ZC2HC1A: variants seen among roughly 807,000 people sequenced by gnomAD.
ZC2HC1A encodes the protein zinc finger C2HC domain-containing protein 1A.
Under a neutral mutation model 40.7 loss-of-function variants are expected in ZC2HC1A, and 28 were observed. The ratio of observed to expected loss-of-function variants is 0.69; its 90% CI spans 0.51 to 0.94. The LOEUF is 0.94. Ranked by LOEUF, ZC2HC1A falls within the 40% of genes least tolerant of loss-of-function variation. The probability of loss-of-function intolerance (pLI) is 0.00; values close to 1 mark genes in which losing one functional copy is unlikely to be tolerated. For missense variants in ZC2HC1A, 389 were observed against 386.3 expected, an observed-to-expected ratio of 1.01 and a Z score of -0.06; for synonymous variants, 129 against 129.2, an observed-to-expected ratio of 1.00 and a Z score of 0.01.
chr8:78,675,009 A>T (rs1017417811), intron 1 of ZC2HC1A, among the ~76,000 whole-genome samples: 2 of 151,890 alleles, frequency 1.3e-5, no homozygotes, highest in African/African-American at 4.8e-5. Context: ...ATATTTGGAA[A>T]TAAAATAAAA....
chr8:78,669,971 CTT>C (rs566684768), intron 1 of ZC2HC1A, among the ~76,000 whole-genome samples: 2 of 126,268 alleles, frequency 1.6e-5, no homozygotes, highest in African/African-American at 3.2e-5. Flanking sequence ...TTCTTTCTTT[CTT>C]TTTTTTTTTT....
At chr8:78,669,911 G>A (rs1157869354) in intron 1 of ZC2HC1A, among the ~76,000 whole-genome samples, 2 of 151,066 alleles carry the variant, frequency 1.3e-5, no homozygotes, top group Non-Finnish European at 2.9e-5. Context: ...CATGCTAGGT[G>A]CTCAACAAAT....
At chr8:78,690,625 G>C (rs1186598269) in intron 5 of ZC2HC1A, among the ~76,000 whole-genome samples, 1 of 150,734 alleles carries the variant, frequency 6.6e-6, no homozygotes, top group Non-Finnish European at 1.5e-5. Context: ...TAATTGACTT[G>C]TCAACATCTA....
chr8:78,666,641 G>T (rs891312908), intron 1 of ZC2HC1A, among the ~76,000 whole-genome samples: 3 of 152,124 alleles, frequency 2.0e-5, no homozygotes, highest in African/African-American at 7.2e-5. Context: ...CTAGGTAACC[G>T]GCTTTTTACA....
Position 78,718,228 on chromosome 8 carries a change from A to G in ZC2HC1A, c.*735A>G, listed in dbSNP as rs1337643833. The stretch of plus-strand genomic sequence containing the variant: ...CGTTGAACATATTTTTTTACTTCCA[A>G]TTGTTTTTCCAGATTTCACTTTTCC... On this transcript the variant is annotated 3_prime_UTR_variant, in exon 9 of 9. Transcript: ENST00000263849. 6.6e-6 allele frequency: 1 copy of G among 151,808 alleles called. No individual in the cohort carries two copies. Among genetic ancestry groups the G allele is most frequent in the Non-Finnish European group, 1.5e-5 (1 of 67,854 alleles). The allele number at this position is 151,808 out of a possible 1,614,324, so 9.4% of individuals were successfully genotyped here.
At chr8:78,705,686 G>A (rs1216497018) in intron 7 of ZC2HC1A, among the ~76,000 whole-genome samples, 1 of 152,192 alleles carries the variant, frequency 6.6e-6, no homozygotes, top group Non-Finnish European at 1.5e-5. Flanking sequence ...CTGCTAAGTT[G>A]CCCAAACAGC....
rs1217927197 is a variant in ZC2HC1A, at chr8:78,707,853, T to C, written c.705-7368T>C. Among the ~76,000 whole-genome samples, 20 of 84,034 alleles carry C rather than the reference T, an allele frequency of 2.4e-4. 1 individual carries two copies. Among genetic ancestry groups the C allele is most frequent in the Non-Finnish European group, 3.9e-4 (15 of 38,284 alleles). The allele number at this position is 84,034 out of a possible 152,430, so 55.1% of individuals were successfully genotyped here. On this transcript the variant is annotated intron_variant, in intron 7 of 8. Transcript: ENST00000263849. ...AGTGACAGAGTTCCTTCCTTTTTTT[T>C]TCTTTTTTTTTTTTTAAGAATTAGT...
chr8:78,695,408 C>T (rs1810366324), intron 5 of ZC2HC1A, among the ~76,000 whole-genome samples: 1 of 152,152 alleles, frequency 6.6e-6, no homozygotes, highest in East Asian at 1.9e-4. Flanking sequence ...AACCTTTCTG[C>T]CTGTTTCCTG....
At chr8:78,715,471 C>A in intron 8 of ZC2HC1A, 143 bp downstream of exon 8, 1 of 686,872 alleles carries the variant, frequency 1.5e-6, no homozygotes. Flanking sequence ...AGTTGTACAC[C>A]TCTAATGGAT....
chr8:78,683,662 G>T (rs1288022772), intron 3 of ZC2HC1A, among the ~76,000 whole-genome samples: 1 of 152,078 alleles, frequency 6.6e-6, no homozygotes, highest in South Asian at 2.1e-4. Flanking sequence ...TTTTCCCTTT[G>T]TCTTGGTGAT....
At chr8:78,708,757 C>T (rs1024639048) in intron 7 of ZC2HC1A, among the ~76,000 whole-genome samples, 49 of 150,688 alleles carry the variant, frequency 3.3e-4, no homozygotes, top group East Asian at 1.9e-4. Flanking sequence ...CTTGGCTCAC[C>T]GTAACCTCCG....
At chr8:78,690,734 C>T (rs1810184722) in intron 5 of ZC2HC1A, among the ~76,000 whole-genome samples, 1 of 151,752 alleles carries the variant, frequency 6.6e-6, no homozygotes, top group African/African-American at 2.4e-5. Flanking sequence ...GTTCATGAAC[C>T]TGTTATATTT....
At chr8:78,666,799 T>G (rs772497644) in intron 1 of ZC2HC1A, among the ~76,000 whole-genome samples, 4 of 152,184 alleles carry the variant, frequency 2.6e-5, no homozygotes, top group Non-Finnish European at 4.4e-5. Flanking sequence ...TATTGGTTCC[T>G]TATCTTTGGG....
chr8:78,671,301 A>G (rs769867810), intron 1 of ZC2HC1A, among the ~76,000 whole-genome samples: 11 of 152,240 alleles, frequency 7.2e-5, no homozygotes, highest in Non-Finnish European at 1.0e-4. Flanking sequence ...TGTGTGCCAG[A>G]TAGATTTTGT....
intron 7 of ZC2HC1A, among the ~76,000 whole-genome samples, chr8:78,710,041 CTT>C (rs1229506096): frequency 1.3e-5 from 2 of 152,132 alleles, no homozygotes; most frequent in African/African-American, 2.4e-5. Flanking sequence ...CAGTAAATGA[CTT>C]TTCCTATGTT....
chr8:78,669,258 C>G (rs1809378839), intron 1 of ZC2HC1A, among the ~76,000 whole-genome samples: 1 of 151,968 alleles, frequency 6.6e-6, no homozygotes, highest in South Asian at 2.1e-4. Flanking sequence ...CTTTTTAGCT[C>G]TATGATTTGG....
chr8:78,666,111 T>C lies in ZC2HC1A; in HGVS notation c.-38T>C. 1 of 1,559,620 alleles carries C rather than the reference T, an allele frequency of 6.4e-7. No individual in the cohort carries two copies. The highest frequency in any genetic ancestry group is 8.7e-7 in the Non-Finnish European group (1 of 1,151,716). ...GCCAGAGCTGGGCGGTGGCGGGCGC[T>C]GCTGAAGGAGTCTCGCTGAGCTCGA... On this transcript the variant is annotated 5_prime_UTR_variant, in exon 1 of 9. Transcript: ENST00000263849.
Position 78,689,253 on chromosome 8 carries a change from A to T in ZC2HC1A, c.384A>T (p.Arg128Ser). 1 of 1,590,348 alleles carries T rather than the reference A, an allele frequency of 6.3e-7. No homozygotes were observed. ...TTCAATGTCCATATTGTCAGAGGAG[A>T]TTCAATGAAAATGCAGCTGATAGAC... Reference protein sequence around the residue: ...DYIQCPYCQRRFNENAADRHI... With the variant: ...DYIQCPYCQRSFNENAADRHI... The change falls in exon 5 of 9, where the codon AGA becomes AGT. Residue 128 changes from arginine to serine, a missense_variant. By Grantham distance (110) the Arg-to-Ser change is moderately radical. Transcript: ENST00000263849.
chr8:78,719,389 G>C lies in ZC2HC1A; in HGVS notation c.*1896G>C, dbSNP rs549761082. On this transcript the variant is annotated 3_prime_UTR_variant, in exon 9 of 9. Transcript: ENST00000263849. The stretch of plus-strand genomic sequence containing the variant: ...TGGTAAGAAATCATCTAGTTCCAGA[G>C]CCCAGAGATTATAAACAGTAGGTGA... The C allele has an allele frequency of 6.6e-6, 1 of 151,566 alleles. No individual in the cohort carries two copies. The highest frequency in any genetic ancestry group is 1.5e-5 in the Non-Finnish European group (1 of 67,640). The allele number at this position is 151,566 out of a possible 1,614,324, so 9.4% of individuals were successfully genotyped here. A position where few individuals can be genotyped will look rare whatever the true frequency, so the allele number is the denominator to read the frequency against.
Sources: allele counts gnomAD v4.1 joint callset (sites outside exome capture counted in the v4.1 genomes callset), GRCh38; gene constraint gnomAD v4.1.1; transcripts MANE v1.5; gene names NCBI Gene and HGNC (gene_info 2026-07-23, HGNC 2026-07-21).